The following DCAF5 variants were observed in gnomAD, a reference collection of about 807,000 sequenced individuals.
DCAF5 encodes DDB1 and CUL4 associated factor 5.
DCAF5 carries 9 observed loss-of-function variants against 80.7 expected under a neutral mutation model. The observed-to-expected ratio is 0.11, with a 90% CI of 0.07 to 0.19. The LOEUF (loss-of-function observed/expected upper bound fraction) is 0.19. Ranked by LOEUF, DCAF5 falls within the 10% of genes least tolerant of loss-of-function variation. DCAF5 has a pLI of 1.00. For synonymous variants in DCAF5, 433 were observed against 461.9 expected, an observed-to-expected ratio of 0.94 and a Z score of 0.80; for missense variants, 842 against 1,205.7, an observed-to-expected ratio of 0.70 and a Z score of 4.47.
intron 7 of DCAF5, among the ~76,000 whole-genome samples, chr14:69,073,856 C>T (rs1594949353): frequency 1.3e-5 from 2 of 152,128 alleles, no homozygotes; most frequent in East Asian, 3.9e-4. Flanking sequence ...ACAATTAAAC[C>T]CAAAGATTAC....
intron 1 of DCAF5, among the ~76,000 whole-genome samples, chr14:69,146,283 C>T (rs551122511): frequency 6.6e-6 from 1 of 152,316 alleles, no homozygotes. Context: ...TCTAATGTGA[C>T]TAATGATCAG....
At position 69,118,448 on chromosome 14, in the gene DCAF5, T is replaced by C. The variant is rs192246191; in HGVS notation, c.396-170A>G. 1.2e-4 allele frequency among the ~76,000 whole-genome samples: 19 copies of C among 152,124 alleles called. No homozygotes were observed. In the East Asian group the frequency reaches 3.7e-3, roughly 29 times the overall value. On this transcript the variant is annotated intron_variant, in intron 3 of 8. Coordinates refer to ENST00000341516, the MANE Select transcript of DCAF5 (RefSeq NM_003861.3). The surrounding 1 kb of genome is among the most constrained non-coding windows in gnomAD (Gnocchi z 4.0). ...GAAAGGTAGGTAGTCAACTTTCAGG[T>C]TAAAAAAAAGGTACTATTAAGGAGT...
chr14:69,118,216 A>G lies in DCAF5; in HGVS notation c.458T>C (p.Val153Ala). 6.2e-7 allele frequency: 1 copy of G among 1,613,978 alleles called. No individual in the cohort carries two copies. Among genetic ancestry groups the G allele is most frequent in the Non-Finnish European group, 8.5e-7 (1 of 1,179,918 alleles). ...GGAACTGGCAAAAATGTTGTCATTC[A>G]CTGGGCTCACAGACAAGCCATATAC... ...DAVYGLSVSP[V>A]NDNIFASSSD... Residue 153 changes from valine (V) to alanine (A), a missense_variant, in exon 4 of 9, where the codon GTG becomes GCG. Around this residue, in one of 5 missense-constraint regions of DCAF5, gnomAD observed 142 missense variants for 311.9 expected, o/e 0.46. Transcript: ENST00000341516. This position sits in a 1 kb window ranked among gnomAD's most constrained non-coding sequence, Gnocchi z 4.0.
In DCAF5 at chr14:69,053,585, T is replaced by G; in HGVS notation, c.*272A>C. 2 of 397,866 alleles carry G rather than the reference T, an allele frequency of 5.0e-6. 1 individual carries two copies. Among genetic ancestry groups the G allele is most frequent in the South Asian group, 8.0e-5 (2 of 25,062 alleles). 24.6% of individuals were successfully genotyped at this position (397,866 alleles called of 1,614,324 possible). A position where few individuals can be genotyped will look rare whatever the true frequency, so the allele number is the denominator to read the frequency against. ...ACAAAGATTTACTTCCACAGAGCCT[T>G]GCGCGGCACACTACGCTCACGTCTC... On this transcript the variant is annotated 3_prime_UTR_variant, in exon 9 of 9. Transcript: ENST00000341516.
chr14:69,058,738 T>C (rs1429029676), intron 8 of DCAF5, among the ~76,000 whole-genome samples: 1 of 151,386 alleles, frequency 6.6e-6, no homozygotes, highest in African/African-American at 2.4e-5. Flanking sequence ...CCAGGAGTGG[T>C]GGTGTACACC....
At chr14:69,116,193 G>A (rs763567242) in intron 5 of DCAF5, among the ~76,000 whole-genome samples, 173 bp downstream of exon 5, 2 of 152,144 alleles carry the variant, frequency 1.3e-5, no homozygotes, top group South Asian at 2.1e-4. Flanking sequence ...CGGATTTGTC[G>A]CTGTCTATTC....
intron 6 of DCAF5, chr14:69,090,203 T>G: frequency 1.4e-6 from 1 of 701,288 alleles, no homozygotes; most frequent in Non-Finnish European, 1.8e-6. Context: ...AGGGAGAGAC[T>G]TGATTGTCAT....
intron 1 of DCAF5, among the ~76,000 whole-genome samples, chr14:69,151,431 C>G (rs2041699292): frequency 6.6e-6 from 1 of 152,198 alleles, no homozygotes; most frequent in Non-Finnish European, 1.5e-5. Flanking sequence ...CCAGAAGTTT[C>G]TGGCGAGCTG....
intron 5 of DCAF5, among the ~76,000 whole-genome samples, chr14:69,115,338 C>G (rs1051562029): frequency 6.6e-6 from 1 of 152,200 alleles, no homozygotes; most frequent in African/African-American, 2.4e-5. Context: ...CTACACCGAT[C>G]TGCTACAATA....
chr14:69,085,324 G>A, intron 6 of DCAF5: 1 of 702,976 alleles, frequency 1.4e-6, no homozygotes, highest in East Asian at 2.8e-5. Context: ...CAAGAAAGTT[G>A]AGAAGTCCAA....
intron 8 of DCAF5, among the ~76,000 whole-genome samples, chr14:69,060,409 C>G (rs1386676065): frequency 2.0e-5 from 3 of 152,224 alleles, no homozygotes; most frequent in African/African-American, 7.2e-5. Flanking sequence ...TTTCCTCATT[C>G]TAGCCCCACG....
intron 1 of DCAF5, among the ~76,000 whole-genome samples, chr14:69,126,497 A>T (rs1018930298): frequency 6.6e-6 from 1 of 152,140 alleles, no homozygotes; most frequent in African/African-American, 2.4e-5. Flanking sequence ...TCCCAACTTC[A>T]TCTATGGATT....
intron 6 of DCAF5, among the ~76,000 whole-genome samples, chr14:69,082,455 G>A (rs1391393769): frequency 2.2e-5 from 1 of 45,362 alleles, no homozygotes; most frequent in Non-Finnish European, 5.4e-5. Context: ...GTTCTGTGTA[G>A]AAAAAATTCT....
chr14:69,083,173 T>C (rs2039180760), intron 6 of DCAF5, among the ~76,000 whole-genome samples: 1 of 152,256 alleles, frequency 6.6e-6, no homozygotes, highest in Admixed American at 6.5e-5. Flanking sequence ...CCAGGATTGA[T>C]AATACCTGAG....
chr14:69,112,721 A>C lies in DCAF5; in HGVS notation c.665+3645T>G, dbSNP rs183480128. 7.0e-4 allele frequency among the ~76,000 whole-genome samples: 106 copies of C among 152,220 alleles called. 1 individual carries two copies. In the East Asian group the frequency reaches 0.019, roughly 27 times the overall value. The stretch of plus-strand genomic sequence containing the variant: ...CCTCATAGGGTTATCATAAGGATTA[A>C]ATGAGGTAATTATTCATATGATGGT... On this transcript the variant is annotated intron_variant, in intron 5 of 8. Transcript: ENST00000341516.
intron 1 of DCAF5, among the ~76,000 whole-genome samples, chr14:69,129,180 A>G (rs990204101): frequency 2.0e-5 from 3 of 152,196 alleles, no homozygotes; most frequent in Non-Finnish European, 4.4e-5. Context: ...AGTAACTAAC[A>G]TGATGATGAC....
intron 5 of DCAF5, among the ~76,000 whole-genome samples, chr14:69,103,124 T>C (rs1426060019): frequency 6.6e-6 from 1 of 152,234 alleles, no homozygotes. Flanking sequence ...CACGTGTATA[T>C]GGACAAATTC....
chr14:69,124,710 C>T (rs1388145851), intron 1 of DCAF5, among the ~76,000 whole-genome samples: 3 of 152,066 alleles, frequency 2.0e-5, no homozygotes, highest in African/African-American at 7.2e-5. Context: ...GGGTTTTTGT[C>T]ACTTTATTTT....
intron 1 of DCAF5, 58 bp from the exon 2 acceptor site, chr14:69,122,418 T>C (rs1021421169): frequency 7.0e-6 from 11 of 1,565,808 alleles, no homozygotes; most frequent in African/African-American, 5.4e-5. Flanking sequence ...GGCTGACAGA[T>C]GGTTTTGCCA....
Sources: allele counts gnomAD v4.1 joint callset (sites outside exome capture counted in the v4.1 genomes callset), GRCh38; gene constraint gnomAD v4.1.1; regional missense constraint gnomAD v4.1.1; non-coding constraint Gnocchi (gnomAD v3.1); transcripts MANE v1.5; gene names NCBI Gene and HGNC (gene_info 2026-07-23, HGNC 2026-07-21).